NBEA: variants seen among roughly 807,000 people sequenced by gnomAD.
NBEA encodes the protein lysosomal-trafficking regulator 2.
A neutral mutation model predicts 343.4 loss-of-function variants in NBEA; 44 were observed. The ratio of observed to expected loss-of-function variants is 0.13; its 90% CI spans 0.10 to 0.16. The LOEUF is 0.16. Among genes scored for constraint, NBEA ranks in the 10% least tolerant of loss-of-function variants. NBEA has a pLI of 1.00. For missense variants in NBEA, 2,555 were observed against 3,631.3 expected, an observed-to-expected ratio of 0.70 and a Z score of 7.62; for synonymous variants, 1,175 against 1,238.7, an observed-to-expected ratio of 0.95 and a Z score of 1.08.
At chr13:35,453,723 T>G (rs1038806451) in intron 40 of NBEA, among the ~76,000 whole-genome samples, 8 of 152,212 alleles carry the variant, frequency 5.3e-5, no homozygotes, top group Non-Finnish European at 8.8e-5. Flanking sequence ...TTAGTTAGTA[T>G]AGATTTGCAT....
At chr13:35,486,788 TA>T (rs1253527224) in intron 41 of NBEA, among the ~76,000 whole-genome samples, 1 of 152,062 alleles carries the variant, frequency 6.6e-6, no homozygotes, top group Non-Finnish European at 1.5e-5. Flanking sequence ...GAGATACTTT[TA>T]TGTTATAAAT....
At chr13:35,227,331 T>C (rs1329217737) in intron 33 of NBEA, among the ~76,000 whole-genome samples, 3 of 152,100 alleles carry the variant, frequency 2.0e-5, no homozygotes, top group African/African-American at 7.2e-5. Context: ...ATTTGAGTTG[T>C]GTCAATTCCT....
intron 46 of NBEA, among the ~76,000 whole-genome samples, chr13:35,591,611 G>A (rs1223315285): frequency 6.6e-6 from 1 of 151,814 alleles, no homozygotes; most frequent in Admixed American, 6.6e-5. Context: ...ATCCAACACT[G>A]AACATGAAAT....
intron 41 of NBEA, among the ~76,000 whole-genome samples, chr13:35,496,631 C>CA (rs3075499): frequency 3.6e-4 from 38 of 105,238 alleles, no homozygotes; most frequent in African/African-American, 1.3e-3. Flanking sequence ...GAGATTCTGT[C>CA]AAAAAAAAAA....
chr13:35,495,948 T>C (rs2076660704), intron 41 of NBEA, among the ~76,000 whole-genome samples: 1 of 151,498 alleles, frequency 6.6e-6, no homozygotes, highest in South Asian at 2.1e-4. Flanking sequence ...AACTAAGGAG[T>C]CTAATTTGGA....
intron 34 of NBEA, among the ~76,000 whole-genome samples, chr13:35,232,916 T>C (rs1186410223): frequency 6.6e-6 from 1 of 152,118 alleles, no homozygotes; most frequent in Non-Finnish European, 1.5e-5. Flanking sequence ...GTCATTAAGA[T>C]AACCTGTTTA....
chr13:35,332,492 T>C (rs2038984923), intron 36 of NBEA, among the ~76,000 whole-genome samples: 1 of 152,142 alleles, frequency 6.6e-6, no homozygotes, highest in African/African-American at 2.4e-5. Context: ...TCTTGTAAGT[T>C]GTGGGTAGCC....
At chr13:34,996,096 A>T (rs1452992061) in intron 1 of NBEA, among the ~76,000 whole-genome samples, 1 of 152,188 alleles carries the variant, frequency 6.6e-6, no homozygotes, top group East Asian at 1.9e-4. Context: ...ATTGGGATCT[A>T]GGCCTATGTC....
chr13:35,542,068 A>G (rs1232236001), intron 41 of NBEA, among the ~76,000 whole-genome samples: 1 of 152,024 alleles, frequency 6.6e-6, no homozygotes, highest in Non-Finnish European at 1.5e-5. Context: ...TTGATGAATT[A>G]GAGAAAAAAA....
At chr13:35,265,685 T>A (rs1158800082) in intron 34 of NBEA, among the ~76,000 whole-genome samples, 1 of 151,846 alleles carries the variant, frequency 6.6e-6, no homozygotes, top group Non-Finnish European at 1.5e-5. Flanking sequence ...GACCCTCATT[T>A]TACATCACAC....
intron 1 of NBEA, among the ~76,000 whole-genome samples, chr13:34,977,268 T>G (rs2060211339): frequency 6.6e-6 from 1 of 151,938 alleles, no homozygotes; most frequent in Non-Finnish European, 1.5e-5. Context: ...TATATACTTA[T>G]GTGTAAATAC....
At chr13:34,976,014 A>G (rs1472593414) in intron 1 of NBEA, among the ~76,000 whole-genome samples, 1 of 152,072 alleles carries the variant, frequency 6.6e-6, no homozygotes, top group Non-Finnish European at 1.5e-5. Context: ...AACAGTGTCG[A>G]GATTCCTTAG....
intron 38 of NBEA, among the ~76,000 whole-genome samples, chr13:35,423,547 C>A (rs926725776): frequency 3.3e-5 from 5 of 152,286 alleles, no homozygotes; most frequent in African/African-American, 1.2e-4. Context: ...GTTTTGTTTA[C>A]TGTAGCCTTG....
chr13:35,150,997 A>G (rs2068746210), intron 18 of NBEA, among the ~76,000 whole-genome samples: 1 of 151,920 alleles, frequency 6.6e-6, no homozygotes, highest in Non-Finnish European at 1.5e-5. Context: ...GTGCACCTGT[A>G]ATTCCAGTTA....
intron 6 of NBEA, among the ~76,000 whole-genome samples, chr13:35,050,607 A>T (rs2063031533): frequency 1.3e-5 from 2 of 151,452 alleles, no homozygotes; most frequent in Admixed American, 6.6e-5. Flanking sequence ...TTTCTCTTAC[A>T]CTCTCTCATT....
At position 35,139,165 on chromosome 13, in the gene NBEA, A is replaced by G. The variant is rs143686506; in HGVS notation, c.2337-3104A>G. Among the ~76,000 whole-genome samples, 594 of 140,398 alleles carry G rather than the reference A, an allele frequency of 4.2e-3. 3 individuals carry two copies. Among genetic ancestry groups the G allele is most frequent in the African/African-American group, 0.015 (574 of 37,226 alleles). The allele number at this position is 140,398 out of a possible 152,430, so 92.1% of individuals were successfully genotyped here. A position where few individuals can be genotyped will look rare whatever the true frequency, so the allele number is the denominator to read the frequency against. On this transcript the variant is annotated intron_variant, in intron 17 of 58. Coordinates refer to ENST00000379939, the MANE Select transcript of NBEA (RefSeq NM_001385012.1). ...AACCTCCGCCTCCCATGCTCAATTG[A>G]CTCTCCCACCTCAGCCTCCCAAGTA...
intron 1 of NBEA, among the ~76,000 whole-genome samples, chr13:34,984,985 C>G (rs2060494297): frequency 6.6e-6 from 1 of 151,048 alleles, no homozygotes; most frequent in African/African-American, 2.4e-5. Flanking sequence ...CATCTGCAAA[C>G]AGGGACAATT....
intron 30 of NBEA, chr13:35,185,480 C>T (rs901861615): frequency 3.3e-5 from 5 of 151,968 alleles, no homozygotes; most frequent in African/African-American, 1.2e-4. Flanking sequence ...TTTTTTTCAA[C>T]CTCACTGCTG....
At chr13:35,551,064 C>G in intron 43 of NBEA, 32 bp downstream of exon 43, 1 of 1,223,138 alleles carries the variant, frequency 8.2e-7, no homozygotes, top group Non-Finnish European at 1.2e-6. Flanking sequence ...TTATCTATGG[C>G]TTGTTAACAT....
Sources: allele counts gnomAD v4.1 joint callset (sites outside exome capture counted in the v4.1 genomes callset), GRCh38; gene constraint gnomAD v4.1.1; transcripts MANE v1.5; gene names NCBI Gene and HGNC (gene_info 2026-07-23, HGNC 2026-07-21).